MSRA: variants seen among roughly 807,000 people sequenced by gnomAD.
MSRA encodes the protein mitochondrial peptide methionine sulfoxide reductase.
A neutral mutation model predicts 31.3 loss-of-function variants in MSRA; 54 were observed. The ratio of observed to expected loss-of-function variants is 1.73; its 90% CI spans 1.39 to 2.17. The LOEUF (loss-of-function observed/expected upper bound fraction) is 2.17. MSRA is among the 30% of genes most tolerant of loss of function. The pLI is 0.00. For missense variants in MSRA, 507 were observed against 300.9 expected, an observed-to-expected ratio of 1.69 and a Z score of -5.07; for synonymous variants, 169 against 116.5, an observed-to-expected ratio of 1.45 and a Z score of -2.90.
chr8:10,081,120 A>C (rs751847412), intron 1 of MSRA, among the ~76,000 whole-genome samples: 2 of 152,212 alleles, frequency 1.3e-5, no homozygotes, highest in African/African-American at 4.8e-5. Context: ...TGGGCTGCAC[A>C]CGTGGTCCAG....
rs114232284 is a variant in MSRA at position 10,345,333 on chromosome 8, A to T, written c.543+25344A>T. Among the ~76,000 whole-genome samples the T allele has an allele frequency of 5.3e-3, 800 of 152,294 alleles. 10 individuals carry two copies. Among genetic ancestry groups the T allele is most frequent in the African/African-American group, 0.018 (753 of 41,556 alleles). On this transcript the variant is annotated intron_variant, in intron 5 of 5. Coordinates refer to ENST00000317173, the MANE Select transcript of MSRA (RefSeq NM_012331.5). ...TCGGTTAGATGGGAATAGGTTACTA[A>T]GCATGTAAGGAGGGCCAGCCTGAGT...
At chr8:10,141,523 C>G (rs1372400845) in intron 1 of MSRA, among the ~76,000 whole-genome samples, 1 of 152,160 alleles carries the variant, frequency 6.6e-6, no homozygotes, top group Non-Finnish European at 1.5e-5. Context: ...ATGGCAGAGA[C>G]AAAGAAACCC....
At chr8:10,291,364 C>G (rs1165398200) in intron 3 of MSRA, among the ~76,000 whole-genome samples, 1 of 151,854 alleles carries the variant, frequency 6.6e-6, no homozygotes, top group African/African-American at 2.4e-5. Context: ...CAATAGGATG[C>G]TTTTTAAAGC....
intron 1 of MSRA, among the ~76,000 whole-genome samples, chr8:10,127,804 T>G (rs57726127): frequency 1.3e-5 from 2 of 152,158 alleles, no homozygotes; most frequent in Non-Finnish European, 2.9e-5. Context: ...TAAAGGCATG[T>G]AGATATGAAA....
At chr8:10,166,494 T>C (rs1410995245) in intron 1 of MSRA, among the ~76,000 whole-genome samples, 2 of 152,154 alleles carry the variant, frequency 1.3e-5, no homozygotes, top group Non-Finnish European at 2.9e-5. Context: ...TGTGCATGCA[T>C]ATGTGTGTAT....
intron 5 of MSRA, among the ~76,000 whole-genome samples, chr8:10,404,600 C>T (rs1443846659): frequency 6.6e-6 from 1 of 152,258 alleles, no homozygotes; most frequent in African/African-American, 2.4e-5. Context: ...CGCGGGCTCT[C>T]CATGGCAGAT....
chr8:10,348,259 G>A (rs1033938533), intron 5 of MSRA, among the ~76,000 whole-genome samples: 7 of 151,166 alleles, frequency 4.6e-5, no homozygotes, highest in African/African-American at 1.2e-4. Context: ...ATTTGAATCC[G>A]TGCTAGGGCC....
At position 10,399,507 on chromosome 8, in the gene MSRA, C is replaced by T. The variant is rs116459878; in HGVS notation, c.544-28641C>T. 5.3e-3 allele frequency among the ~76,000 whole-genome samples: 799 copies of T among 152,176 alleles called. 8 individuals are homozygous for T. The highest frequency in any genetic ancestry group is 0.018 in the African/African-American group (752 of 41,516). ...CGGTCTCTTTTGTTCCTGCTCTGGC[C>T]GTGCACCTGCTACCACTTTGCCTTC... On this transcript the variant is annotated intron_variant, in intron 5 of 5. Transcript: ENST00000317173.
In MSRA at chr8:10,146,247, G is replaced by A. The variant is rs528836676; in HGVS notation, c.143-61586G>A. On this transcript the variant is annotated intron_variant, in intron 1 of 5. Transcript: ENST00000317173. The stretch of plus-strand genomic sequence containing the variant: ...CCCTAGCTATTTGGGTGATGTTAGA[G>A]TAAACTGAGGAAGAGAAGAGAGAGT... Among the ~76,000 whole-genome samples the A allele has an allele frequency of 3.3e-5, 5 of 152,332 alleles. No homozygotes were observed. The East Asian group carries it at 7.7e-4, about 24-fold the overall frequency.
rs548683036 is a variant in MSRA, at chr8:10,366,396, G to A, written c.543+46407G>A. Among the ~76,000 whole-genome samples the A allele has an allele frequency of 1.6e-3, 246 of 152,376 alleles. 4 individuals carry two copies. Among genetic ancestry groups the A allele is most frequent in the Non-Finnish European group, 8.1e-4 (55 of 68,036 alleles). ...GGCCCCAGGCTGGGCAGGGCACTGC[G>A]TGGCCCTGAGCCAGGCCTTGTGCAG... On this transcript the variant is annotated intron_variant, in intron 5 of 5. Coordinates refer to ENST00000317173, the MANE Select transcript of MSRA (RefSeq NM_012331.5).
chr8:10,259,530 TG>T (rs1484304786), intron 3 of MSRA, among the ~76,000 whole-genome samples: 1 of 152,120 alleles, frequency 6.6e-6, no homozygotes, highest in Non-Finnish European at 1.5e-5. Context: ...CTCCTGTGGC[TG>T]GGGGTGGGAT....
In MSRA at chr8:10,088,802, C is replaced by T. The variant is rs1266861004; in HGVS notation, c.142+34144C>T. 2.0e-5 allele frequency among the ~76,000 whole-genome samples: 3 copies of T among 152,132 alleles called. No homozygotes were observed. The East Asian group carries it at 5.8e-4, about 29-fold the overall frequency. On this transcript the variant is annotated intron_variant, in intron 1 of 5. Transcript: ENST00000317173. ...ATATATGTATACAATGGAATACTAG[C>T]CTTAAGAAAGAAGATCTTGCCATTT...
chr8:10,385,564 G>T (rs919523048), intron 5 of MSRA, among the ~76,000 whole-genome samples: 4 of 152,124 alleles, frequency 2.6e-5, no homozygotes, highest in Non-Finnish European at 5.9e-5. Context: ...AGAAGATCAG[G>T]TCTGTGGTCT....
chr8:10,301,593 G>T lies in MSRA; in HGVS notation c.391G>T (p.Glu131Ter). ...VVYQPEHMSF[E>*]ELLKVFWENH... is the part of the protein sequence containing the mutation. ...GTACCAGCCAGAACACATGAGTTTT[G>T]AGGAACTGCTCAAGGTCTTCTGGGA... The change falls in exon 4 of 6, where the codon GAG becomes TAG. Residue 131 changes from glutamate to a stop codon, truncating the protein, a stop_gained. Coordinates refer to ENST00000317173, the MANE Select transcript of MSRA (RefSeq NM_012331.5). LOFTEE classifies it high-confidence loss of function. 4 of 1,614,134 alleles carry T rather than the reference G, an allele frequency of 2.5e-6. No individual in the cohort carries two copies. Among genetic ancestry groups the T allele is most frequent in the Non-Finnish European group, 3.4e-6 (4 of 1,180,018 alleles).
chr8:10,259,901 C>T (rs11776973), intron 3 of MSRA, among the ~76,000 whole-genome samples: 44,222 of 152,224 alleles, frequency 0.29, 8,045 homozygotes, highest in Non-Finnish European at 0.43. Context: ...GCCTCACCCC[C>T]TCTGTAGGCT....
chr8:10,137,029 C>T (rs915401663), intron 1 of MSRA, among the ~76,000 whole-genome samples: 56 of 152,154 alleles, frequency 3.7e-4, no homozygotes, highest in African/African-American at 1.3e-3. Flanking sequence ...TTGTCGAATT[C>T]TGCAGTAACC....
At chr8:10,373,048 C>T (rs544062474) in intron 5 of MSRA, among the ~76,000 whole-genome samples, 3 of 152,322 alleles carry the variant, frequency 2.0e-5, no homozygotes, top group South Asian at 2.1e-4. Flanking sequence ...GCATTTACCA[C>T]ACCAGCTAAT....
In MSRA at chr8:10,054,472, C is replaced by T; in HGVS notation, c.-45C>T. The T allele has an allele frequency of 1.9e-6, 3 of 1,541,196 alleles. No homozygotes were observed. The highest frequency in any genetic ancestry group is 2.6e-6 in the Non-Finnish European group (3 of 1,144,502). ...GCCGTTCCGGCTGCGGCTCCGCTGC[C>T]GGTAGCGCCGTCCCCCGGGACCACC... On this transcript the variant is annotated 5_prime_UTR_variant, in exon 1 of 6. Transcript: ENST00000317173.
intron 3 of MSRA, among the ~76,000 whole-genome samples, chr8:10,283,735 C>T (rs560372358): frequency 1.7e-4 from 25 of 146,966 alleles, no homozygotes; most frequent in Non-Finnish European, 3.1e-4. Context: ...AATAAGTCTC[C>T]AGTCTCATCC....
Sources: allele counts gnomAD v4.1 joint callset (sites outside exome capture counted in the v4.1 genomes callset), GRCh38; gene constraint gnomAD v4.1.1; transcripts MANE v1.5; gene names NCBI Gene and HGNC (gene_info 2026-07-23, HGNC 2026-07-21).